Variants in UMAD1 observed in about 807,000 individuals in gnomAD.
UMAD1 encodes UBAP1-MVB12-associated (UMA) domain containing 1.
Under a neutral mutation model 6.1 loss-of-function variants are expected in UMAD1, and 8 were observed. The observed-to-expected ratio is 1.30, with a 90% confidence interval of 0.76 to 2.35. UMAD1 has a LOEUF of 2.35. Among genes scored for constraint, UMAD1 ranks in the 30% most tolerant of loss-of-function variants. The pLI, the probability that UMAD1 is intolerant of heterozygous loss-of-function variation, is 0.00. For synonymous variants in UMAD1, 56 were observed against 31.4 expected (o/e 1.78, Z -2.61); for missense variants, 130 against 78.4 (o/e 1.66, Z -2.49).
At chr7:7,825,867 A>G (rs1783329616) in intron 3 of UMAD1, among the ~76,000 whole-genome samples, 1 of 152,136 alleles carries the variant, frequency 6.6e-6, no homozygotes, top group Non-Finnish European at 1.5e-5. Context: ...ACCTCTGCAG[A>G]TACTAAAATC....
intron 2 of UMAD1, among the ~76,000 whole-genome samples, chr7:7,714,055 A>T (rs961611780): frequency 6.6e-6 from 1 of 152,148 alleles, no homozygotes; most frequent in African/African-American, 2.4e-5. Flanking sequence ...ATGTTTTAAG[A>T]TTTCCAAAAA....
At chr7:7,771,706 C>T (rs1782106979) in intron 2 of UMAD1, among the ~76,000 whole-genome samples, 3 of 152,070 alleles carry the variant, frequency 2.0e-5, no homozygotes, top group Admixed American at 6.6e-5. Context: ...GAAATTAGAG[C>T]AATCAAATAA....
chr7:7,836,635 CTT>C (rs1783576045), intron 3 of UMAD1, among the ~76,000 whole-genome samples: 1 of 151,496 alleles, frequency 6.6e-6, no homozygotes, highest in Non-Finnish European at 1.5e-5. Context: ...AAAAGGCAAA[CTT>C]AAAATATTAT....
intron 3 of UMAD1, among the ~76,000 whole-genome samples, chr7:7,851,935 G>A (rs924848855): frequency 6.6e-6 from 1 of 152,040 alleles, no homozygotes; most frequent in East Asian, 1.9e-4. Context: ...GGTGTCATAT[G>A]TATGAATCCA....
chr7:7,677,091 GT>G (rs920651253), intron 2 of UMAD1, among the ~76,000 whole-genome samples: 1 of 151,852 alleles, frequency 6.6e-6, no homozygotes, highest in Non-Finnish European at 1.5e-5. Context: ...CATCTGTTTT[GT>G]TTTAAATTTT....
chr7:7,755,349 G>A (rs1172524528), intron 2 of UMAD1, among the ~76,000 whole-genome samples: 5 of 152,116 alleles, frequency 3.3e-5, no homozygotes, highest in African/African-American at 1.2e-4. Context: ...GTTAACTGTA[G>A]TAAAAAATGA....
chr7:7,736,484 C>T (rs764749244), intron 2 of UMAD1: 7 of 152,486 alleles, frequency 4.6e-5, no homozygotes, highest in Middle Eastern at 3.4e-3. Context: ...CATTTATTCA[C>T]GCACTACTTT....
At chr7:7,832,089 A>AC (rs1346922218) in intron 3 of UMAD1, among the ~76,000 whole-genome samples, 1 of 152,190 alleles carries the variant, frequency 6.6e-6, no homozygotes, top group Non-Finnish European at 1.5e-5. Context: ...TGTAATAAGC[A>AC]ATTTGTGCTA....
At chr7:7,852,334 A>G (rs1484085236) in intron 3 of UMAD1, among the ~76,000 whole-genome samples, 1 of 152,204 alleles carries the variant, frequency 6.6e-6, no homozygotes, top group Non-Finnish European at 1.5e-5. Flanking sequence ...TTAGTTCTGT[A>G]GAAGACACCT....
rs559610069 is a variant in UMAD1, at chr7:7,800,442, CT to C, written c.83-1219del. 7.3e-3 allele frequency among the ~76,000 whole-genome samples: 1,098 copies of C among 151,218 alleles called. 7 individuals are homozygous for C. The highest frequency in any genetic ancestry group is 0.011 in the Non-Finnish European group (720 of 67,722). On this transcript the variant is annotated intron_variant, in intron 2 of 3. Transcript: ENST00000682710. ...TAAATATTTTTTATTACTTTAATCA[CT>C]TTTTTTTTATTGCAATAGGTTTTGG...
At chr7:7,727,626 C>T (rs1781165767) in intron 2 of UMAD1, among the ~76,000 whole-genome samples, 1 of 152,088 alleles carries the variant, frequency 6.6e-6, no homozygotes, top group South Asian at 2.1e-4. Flanking sequence ...GGCAGACCCA[C>T]CCTTAATCTG....
intron 3 of UMAD1, among the ~76,000 whole-genome samples, chr7:7,876,989 G>A (rs921263288): frequency 2.0e-5 from 3 of 152,214 alleles, no homozygotes; most frequent in Non-Finnish European, 4.4e-5. Flanking sequence ...ATTTGGAAAA[G>A]CGGAGACAGA....
At chr7:7,876,186 G>A (rs940274256) in intron 3 of UMAD1, among the ~76,000 whole-genome samples, 2 of 152,248 alleles carry the variant, frequency 1.3e-5, no homozygotes, top group African/African-American at 4.8e-5. Context: ...GGAGAAGAGC[G>A]TCCTGGTCTG....
chr7:7,686,672 A>T (rs1474084867), intron 2 of UMAD1, among the ~76,000 whole-genome samples: 1 of 152,144 alleles, frequency 6.6e-6, no homozygotes, highest in Non-Finnish European at 1.5e-5. Flanking sequence ...TGATAATTTA[A>T]CCTTTTAAAT....
chr7:7,672,842 G>A (rs949504772), intron 1 of UMAD1, among the ~76,000 whole-genome samples: 1 of 152,156 alleles, frequency 6.6e-6, no homozygotes, highest in Non-Finnish European at 1.5e-5. Context: ...TCTCAATTAG[G>A]TAACCATCAG....
intron 1 of UMAD1, among the ~76,000 whole-genome samples, chr7:7,642,107 A>G (rs1433872008): frequency 1.3e-5 from 2 of 152,196 alleles, no homozygotes; most frequent in Admixed American, 6.5e-5. Context: ...TGTGCATTAT[A>G]TAGGGGAGAG....
At chr7:7,779,471 A>G (rs1171062874) in intron 2 of UMAD1, among the ~76,000 whole-genome samples, 3 of 151,870 alleles carry the variant, frequency 2.0e-5, no homozygotes, top group Admixed American at 1.3e-4. Flanking sequence ...GAGTCTCACT[A>G]TGTTCCCCAG....
Position 7,757,767 on chromosome 7 carries a change from TAGAGAATGC to T in UMAD1, c.83-43890_83-43882del, listed in dbSNP as rs1007645403. Among the ~76,000 whole-genome samples the T allele has an allele frequency of 3.3e-5, 5 of 152,244 alleles. No individual in the cohort carries two copies. In the South Asian group the frequency reaches 6.2e-4, roughly 19 times the overall value. ...GTTTAGGGATGTTGTGTGGATTAAG[TAGAGAATGC>T]AGAGAATGCAGAAAAAGCTCAAAGC... On this transcript the variant is annotated intron_variant, in intron 2 of 3. Transcript: ENST00000682710.
chr7:7,671,455 C>T (rs1779602775), intron 1 of UMAD1, among the ~76,000 whole-genome samples: 1 of 152,142 alleles, frequency 6.6e-6, no homozygotes, highest in African/African-American at 2.4e-5. Context: ...AGCTATATAC[C>T]CTTTATTTGA....
Sources: gnomAD v4.1 joint callset for allele counts (sites outside exome capture counted in the v4.1 genomes callset) on GRCh38, gnomAD v4.1.1 for gene constraint, MANE v1.5 for transcripts, NCBI Gene and HGNC (gene_info 2026-07-23, HGNC 2026-07-21) for gene names.